The following TRAPPC9 variants were observed in gnomAD, a reference collection of about 807,000 sequenced individuals.
TRAPPC9 encodes the protein trafficking protein particle complex subunit 9, also known as IKK2 binding protein.
TRAPPC9 carries 83 observed loss-of-function variants against 124.0 expected under a neutral mutation model. The ratio of observed to expected loss-of-function variants is 0.67; its 90% CI spans 0.56 to 0.80. The LOEUF (loss-of-function observed/expected upper bound fraction) is 0.80. Ranked by LOEUF, TRAPPC9 falls within the 30% of genes least tolerant of loss-of-function variation. The probability of loss-of-function intolerance (pLI) is 0.00; values close to 1 mark genes in which losing one functional copy is unlikely to be tolerated. For synonymous variants in TRAPPC9, 638 were observed against 617.5 expected, an observed-to-expected ratio of 1.03 and a Z score of -0.49; for missense variants, 1,302 against 1,508.3, an observed-to-expected ratio of 0.86 and a Z score of 2.27.
intron 18 of TRAPPC9, among the ~76,000 whole-genome samples, chr8:140,006,146 C>A (rs1838732427): frequency 6.6e-6 from 1 of 152,128 alleles, no homozygotes; most frequent in East Asian, 1.9e-4. Flanking sequence ...GGTTTAGTGG[C>A]AGATGGGAAC....
intron 17 of TRAPPC9, among the ~76,000 whole-genome samples, chr8:140,219,460 G>A (rs1389296270): frequency 6.6e-6 from 1 of 152,162 alleles, no homozygotes; most frequent in Non-Finnish European, 1.5e-5. Context: ...CCCCACTTAT[G>A]CCAGGTGTCT....
intron 8 of TRAPPC9, among the ~76,000 whole-genome samples, chr8:140,369,898 G>A (rs1045990470): frequency 1.3e-5 from 2 of 152,110 alleles, no homozygotes; most frequent in African/African-American, 4.8e-5. Flanking sequence ...GCTGCAGTGA[G>A]CCAAGATCAT....
At chr8:139,842,509 T>C (rs1351684401) in intron 21 of TRAPPC9, among the ~76,000 whole-genome samples, 2 of 152,222 alleles carry the variant, frequency 1.3e-5, no homozygotes, top group East Asian at 3.9e-4. Flanking sequence ...TGACACCAGC[T>C]TCACAGCAGC....
At chr8:139,937,760 G>A (rs777983519) in intron 19 of TRAPPC9, among the ~76,000 whole-genome samples, 7 of 152,194 alleles carry the variant, frequency 4.6e-5, no homozygotes, top group South Asian at 4.1e-4. Context: ...CAAATGTCAC[G>A]TATTATTACC....
intron 17 of TRAPPC9, among the ~76,000 whole-genome samples, chr8:140,125,985 G>A (rs553161311): frequency 4.7e-4 from 71 of 152,048 alleles, no homozygotes; most frequent in African/African-American, 1.6e-3. Flanking sequence ...TGTTAGCCAG[G>A]ATAGTCTCGA....
intron 21 of TRAPPC9, among the ~76,000 whole-genome samples, chr8:139,782,207 C>G (rs986430816): frequency 6.6e-6 from 1 of 152,034 alleles, no homozygotes; most frequent in African/African-American, 2.4e-5. Flanking sequence ...TGGTGAAACC[C>G]TGACTCTACT....
At chr8:140,354,679 T>A (rs1197894891) in intron 9 of TRAPPC9, among the ~76,000 whole-genome samples, 1 of 152,190 alleles carries the variant, frequency 6.6e-6, no homozygotes, top group African/African-American at 2.4e-5. Context: ...ATACTTTATT[T>A]CAATGCAGCA....
At position 139,728,561 on chromosome 8, in the gene TRAPPC9, AC is replaced by A. The variant is rs1288149352; in HGVS notation, c.*2499del. Among the ~76,000 whole-genome samples, 1 of 152,032 alleles carries A rather than the reference AC, an allele frequency of 6.6e-6. No individual in the cohort carries two copies. The highest frequency in any genetic ancestry group is 2.4e-5 in the African/African-American group (1 of 41,388). On this transcript the variant is annotated 3_prime_UTR_variant, in exon 23 of 23. Coordinates refer to ENST00000438773, the MANE Select transcript of TRAPPC9 (RefSeq NM_001160372.4). Reference sequence around the variant, plus strand: ...CAAACACAGCTCCACAGCCAGAAAGACCCAGCCACAGAAATGCCAGCAAACA... The same window carrying A: ...CAAACACAGCTCCACAGCCAGAAAGACCAGCCACAGAAATGCCAGCAAACA...
chr8:140,223,120 C>T (rs960190947), intron 16 of TRAPPC9, among the ~76,000 whole-genome samples: 1 of 152,152 alleles, frequency 6.6e-6, no homozygotes, highest in Non-Finnish European at 1.5e-5. Flanking sequence ...CCATCACCCA[C>T]GTATTAAACC....
At chr8:140,343,948 C>T (rs915549102) in intron 9 of TRAPPC9, among the ~76,000 whole-genome samples, 2 of 152,076 alleles carry the variant, frequency 1.3e-5, no homozygotes, top group African/African-American at 2.4e-5. Flanking sequence ...CTTCCCAAGC[C>T]GAGACAGAGT....
chr8:139,932,328 A>G (rs1430412212), intron 19 of TRAPPC9: 1 of 457,350 alleles, frequency 2.2e-6, no homozygotes, highest in Admixed American at 2.4e-5. Context: ...GCTTGGCCAC[A>G]GGTCCTTGGC....
chr8:139,933,566 C>T (rs1270202865), intron 19 of TRAPPC9: 1 of 152,338 alleles, frequency 6.6e-6, no homozygotes, highest in Non-Finnish European at 1.5e-5. Context: ...CCACCGCGGC[C>T]GCTTCTCCAC....
intron 19 of TRAPPC9, among the ~76,000 whole-genome samples, chr8:139,918,616 G>A (rs149231058): frequency 1.0e-3 from 157 of 152,356 alleles, no homozygotes; most frequent in African/African-American, 3.7e-3. Context: ...GAGCAGTGCT[G>A]TTCTCAGCGT....
At chr8:140,351,116 G>A (rs572894392) in intron 9 of TRAPPC9, among the ~76,000 whole-genome samples, 30 of 150,852 alleles carry the variant, frequency 2.0e-4, no homozygotes, top group South Asian at 6.4e-4. Flanking sequence ...GGGCTGGGCC[G>A]GAACAACCGC....
At chr8:139,787,293 C>T (rs1241419638) in intron 21 of TRAPPC9, among the ~76,000 whole-genome samples, 1 of 152,050 alleles carries the variant, frequency 6.6e-6, no homozygotes, top group African/African-American at 2.4e-5. Flanking sequence ...ACTCTTGTAG[C>T]CTGAGCGGGG....
At chr8:139,851,899 G>A (rs1034812660) in intron 21 of TRAPPC9, among the ~76,000 whole-genome samples, 1 of 152,146 alleles carries the variant, frequency 6.6e-6, no homozygotes, top group East Asian at 1.9e-4. Context: ...TTTGGTGAAC[G>A]GACTGGCTGT....
Position 140,457,653 on chromosome 8 carries a change from C to A in TRAPPC9, c.-25G>T. 1 of 986,444 alleles carries A rather than the reference C, an allele frequency of 1.0e-6. No individual in the cohort carries two copies. Among genetic ancestry groups the A allele is most frequent in the Non-Finnish European group, 1.2e-6 (1 of 830,618 alleles). The allele number at this position is 986,444 out of a possible 1,614,324, so 61.1% of individuals were successfully genotyped here. ...TTTGCACTTACACAGCCGGTGGCCC[C>A]GGGCCCGGAGCGGGAGCCCACGACC... On this transcript the variant is annotated 5_prime_UTR_variant, in exon 1 of 23. Coordinates refer to ENST00000438773, the MANE Select transcript of TRAPPC9 (RefSeq NM_001160372.4).
intron 21 of TRAPPC9, among the ~76,000 whole-genome samples, chr8:139,756,086 G>T (rs1341671998): frequency 5.7e-5 from 6 of 105,458 alleles, no homozygotes; most frequent in East Asian, 3.0e-4. Flanking sequence ...AGGGTTTGGG[G>T]ATGAGGACAG....
At chr8:139,939,050 G>A (rs1833727021) in intron 19 of TRAPPC9, among the ~76,000 whole-genome samples, 3 of 152,204 alleles carry the variant, frequency 2.0e-5, no homozygotes, top group South Asian at 4.1e-4. Context: ...ACAGACAGGA[G>A]GGAATGCCCA....
Sources: gnomAD v4.1 joint callset for allele counts (sites outside exome capture counted in the v4.1 genomes callset) on GRCh38, gnomAD v4.1.1 for gene constraint, MANE v1.5 for transcripts, NCBI Gene and HGNC (gene_info 2026-07-23, HGNC 2026-07-21) for gene names.